The following ZNF428 variants were observed in gnomAD, a reference collection of about 807,000 sequenced individuals.
The protein encoded by ZNF428 is zinc finger protein 428.
ZNF428 carries 5 observed loss-of-function variants against 15.6 expected under a neutral mutation model. That is an observed-to-expected ratio of 0.32 (90% CI 0.17 to 0.67). ZNF428 has a LOEUF of 0.67. ZNF428 is among the 30% of genes least tolerant of loss of function. The pLI, the probability that ZNF428 is intolerant of heterozygous loss-of-function variation, is 0.73. For missense variants in ZNF428, 237 were observed against 256.0 expected (o/e 0.93, Z 0.51); for synonymous variants, 97 against 102.2 (o/e 0.95, Z 0.31).
chr19:43,610,302 C>G (rs866362096), intron 2 of ZNF428, among the ~76,000 whole-genome samples: 40 of 151,480 alleles, frequency 2.6e-4, no homozygotes, highest in African/African-American at 9.0e-4. Flanking sequence ...TGGGTTCAGG[C>G]AATTCTTCTG....
chr19:43,612,219 A>T lies in ZNF428; in HGVS notation c.76+2010T>A. ...GATCCCAAGCCTCCTGCCTCCTTGA[A>T]GTCCACCAAATCAGCAACACCCAAC... is the stretch of plus-strand genomic sequence containing the variant. On this transcript the variant is annotated intron_variant, in intron 2 of 2. Coordinates refer to ENST00000300811, the MANE Select transcript of ZNF428 (RefSeq NM_182498.4). This position sits in a 1 kb window ranked among gnomAD's most constrained non-coding sequence, Gnocchi z 4.2. 1 of 1,551,716 alleles carries T rather than the reference A, an allele frequency of 6.4e-7. No homozygotes were observed. The highest frequency in any genetic ancestry group is 8.7e-7 in the Non-Finnish European group (1 of 1,146,996).
intron 2 of ZNF428, among the ~76,000 whole-genome samples, chr19:43,610,307 C>G (rs2003098): frequency 6.8e-6 from 1 of 146,504 alleles, no homozygotes; most frequent in Non-Finnish European, 1.5e-5. Context: ...TCAGGCAATT[C>G]TTCTGCCTCA....
chr19:43,611,436 C>T (rs1043486160), intron 2 of ZNF428, among the ~76,000 whole-genome samples: 6 of 152,174 alleles, frequency 3.9e-5, no homozygotes, highest in African/African-American at 1.4e-4. Flanking sequence ...CCTCCCACCT[C>T]AGCCTCCCAA....
chr19:43,611,964 C>G, intron 2 of ZNF428: 1 of 636,792 alleles, frequency 1.6e-6, no homozygotes, highest in Non-Finnish European at 2.8e-6. Context: ...CTCTCTCCTC[C>G]CACCTCTGAC....
At position 43,607,494 on chromosome 19, in the gene ZNF428, ACTT is replaced by A; in HGVS notation, c.*120_*122del. On this transcript the variant is annotated 3_prime_UTR_variant, in exon 3 of 3. Transcript: ENST00000300811. The surrounding 1 kb of genome is among the most constrained non-coding windows in gnomAD (Gnocchi z 5.1). ...CTTTTATTCTGGCCATCACACATCT[ACTT>A]CTAAGACAACACAGACCGGCAGTAC... The A allele has an allele frequency of 7.9e-7, 1 of 1,260,334 alleles. No individual in the cohort carries two copies. The highest frequency in any genetic ancestry group is 1.5e-5 in the African/African-American group (1 of 66,326). 78.1% of individuals were successfully genotyped at this position (1,260,334 alleles called of 1,614,324 possible). A position where few individuals can be genotyped will look rare whatever the true frequency, so the allele number is the denominator to read the frequency against.
intron 1 of ZNF428, among the ~76,000 whole-genome samples, chr19:43,619,027 C>A (rs1435534340): frequency 6.6e-6 from 1 of 152,112 alleles, no homozygotes; most frequent in Non-Finnish European, 1.5e-5. Flanking sequence ...GCTGGAGACC[C>A]CACAATGCCC....
intron 2 of ZNF428, among the ~76,000 whole-genome samples, chr19:43,611,561 C>T (rs2146116163): frequency 6.6e-6 from 1 of 152,318 alleles, no homozygotes; most frequent in African/African-American, 2.4e-5. Flanking sequence ...CTCAGGTGAT[C>T]TGCCTGCCTC....
chr19:43,611,338 T>C (rs551708627), intron 2 of ZNF428, among the ~76,000 whole-genome samples: 1 of 149,092 alleles, frequency 6.7e-6, no homozygotes, highest in Admixed American at 6.6e-5. Context: ...TTTTTTTTTT[T>C]CGAGAGAGAG....
At chr19:43,610,988 C>A (rs880108) in intron 2 of ZNF428, among the ~76,000 whole-genome samples, 18,535 of 152,162 alleles carry the variant, frequency 0.12, 1,511 homozygotes, top group East Asian at 0.23. Context: ...CTGTTCCCCA[C>A]TCTATCCACC....
At chr19:43,611,903 A>G (rs1332509098) in intron 2 of ZNF428, 1 of 592,678 alleles carries the variant, frequency 1.7e-6, no homozygotes, top group African/African-American at 1.9e-5. Flanking sequence ...CATCTGCTGA[A>G]TGGCTGCAAA....
chr19:43,607,824 G>A lies in ZNF428; in HGVS notation c.360C>T (p.Pro120=), dbSNP rs751726641. ...PCRLCCPATA[P]QEAPAPEGRA... ...TGCCTTCAGGGGCTGGTGCTTCCTG[G>A]GGGGCTGTAGCAGGGCAGCAGAGCC... Residue 120 remains proline, a synonymous_variant, in exon 3 of 3, where the codon CCC becomes CCT. Coordinates refer to ENST00000300811, the MANE Select transcript of ZNF428 (RefSeq NM_182498.4). This position sits in a 1 kb window ranked among gnomAD's most constrained non-coding sequence, Gnocchi z 5.1. The A allele has an allele frequency of 4.5e-6, 7 of 1,565,504 alleles. No homozygotes were observed. Among genetic ancestry groups the A allele is most frequent in the Admixed American group, 1.9e-5 (1 of 51,892 alleles).
chr19:43,614,204 G>T, intron 2 of ZNF428, 25 bp downstream of exon 2: 1 of 1,614,156 alleles, frequency 6.2e-7, no homozygotes, highest in South Asian at 1.1e-5. Flanking sequence ...TCAAGCCGAC[G>T]CCACCACCTC....
rs769711609 is a variant in ZNF428, at chr19:43,612,400, G to C, written c.76+1829C>G. On this transcript the variant is annotated intron_variant, in intron 2 of 2. Coordinates refer to ENST00000300811, the MANE Select transcript of ZNF428 (RefSeq NM_182498.4). The surrounding 1 kb of genome is among the most constrained non-coding windows in gnomAD (Gnocchi z 4.2). ...GCAGCAAAGCAAGAACACCCAGCAGGGTGAGCACCGACACCAGGACCAGCA... is the reference window on the plus strand; with the variant it reads ...GCAGCAAAGCAAGAACACCCAGCAGCGTGAGCACCGACACCAGGACCAGCA... 23 of 1,551,670 alleles carry C rather than the reference G, an allele frequency of 1.5e-5. No homozygotes were observed. The highest frequency in any genetic ancestry group is 1.9e-5 in the Non-Finnish European group (22 of 1,147,002).
intron 1 of ZNF428, among the ~76,000 whole-genome samples, chr19:43,618,323 G>A (rs1324112553): frequency 6.6e-6 from 1 of 151,690 alleles, no homozygotes; most frequent in African/African-American, 2.4e-5. Context: ...GTGAGCCACC[G>A]CGCCCAGCCT....
Position 43,608,006 on chromosome 19 carries a change from C to G in ZNF428, c.178G>C (p.Glu60Gln). The G allele has an allele frequency of 1.2e-6, 2 of 1,612,946 alleles. No individual in the cohort carries two copies. The highest frequency in any genetic ancestry group is 1.7e-6 in the Non-Finnish European group (2 of 1,179,686). ...EEEEETTDDPEYDPGYKVKQR... is the reference protein window; with the variant it reads ...EEEEETTDDPQYDPGYKVKQR... Reference sequence around the variant, plus strand: ...TTCACCTTGTAGCCAGGATCATATTCAGGATCGTCAGTGGTCTCCTCTTCC... The same window carrying G: ...TTCACCTTGTAGCCAGGATCATATTGAGGATCGTCAGTGGTCTCCTCTTCC... Residue 60 changes from glutamate (E) to glutamine (Q), a missense_variant, in exon 3 of 3, where the codon GAA becomes CAA. Glu to Gln is a conservative substitution (Grantham distance 29, BLOSUM62 2). Coordinates refer to ENST00000300811, the MANE Select transcript of ZNF428 (RefSeq NM_182498.4).
At chr19:43,614,149 A>C (rs1443706800) in intron 2 of ZNF428, 80 bp downstream of exon 2, 10 of 1,613,664 alleles carry the variant, frequency 6.2e-6, no homozygotes, top group Non-Finnish European at 8.5e-6. Flanking sequence ...GCCACTCCCC[A>C]TCAACATTTC....
Position 43,607,953 on chromosome 19 carries a change from G to C in ZNF428, c.231C>G (p.Gly77=). 6.3e-7 allele frequency: 1 copy of C among 1,591,566 alleles called. No homozygotes were observed. The highest frequency in any genetic ancestry group is 8.6e-7 in the Non-Finnish European group (1 of 1,169,284). The change falls in exon 3 of 3, where the codon GGC becomes GGG. Residue 77 remains glycine, a synonymous_variant. Coordinates refer to ENST00000300811, the MANE Select transcript of ZNF428 (RefSeq NM_182498.4). This position sits in a 1 kb window ranked among gnomAD's most constrained non-coding sequence, Gnocchi z 5.1. ...VKQRLGGGRG[G]PSRRAPRAAQ... Reference sequence around the variant, plus strand: ...CTGCACGGGGGGCCCGGCGGGATGGGCCACCACGGCCCCCGCCAAGGCGCT... The same window carrying C: ...CTGCACGGGGGGCCCGGCGGGATGGCCCACCACGGCCCCCGCCAAGGCGCT...
At chr19:43,609,199 G>C (rs1973270355) in intron 2 of ZNF428, among the ~76,000 whole-genome samples, 1 of 152,172 alleles carries the variant, frequency 6.6e-6, no homozygotes, top group Non-Finnish European at 1.5e-5. Context: ...AGGGAGGCTA[G>C]ACGACTCACT....
chr19:43,618,332 C>T (rs192570057), intron 1 of ZNF428, among the ~76,000 whole-genome samples: 442 of 151,720 alleles, frequency 2.9e-3, no homozygotes, highest in African/African-American at 0.01. Flanking sequence ...CGCGCCCAGC[C>T]TACTTATTTA....
Sources: gnomAD v4.1 joint callset for allele counts (sites outside exome capture counted in the v4.1 genomes callset) on GRCh38, gnomAD v4.1.1 for gene constraint, Gnocchi (gnomAD v3.1) non-coding constraint, MANE v1.5 for transcripts, NCBI Gene and HGNC (gene_info 2026-07-23, HGNC 2026-07-21) for gene names.